The following DUSP15 variants were observed in gnomAD, a reference collection of about 807,000 sequenced individuals.
DUSP15 encodes the protein dual specificity phosphatase 15.
In DUSP15, 23 loss-of-function variants were observed where a neutral mutation model predicts 26.3. The observed-to-expected ratio is 0.87, with a 90% CI of 0.63 to 1.24. The LOEUF is 1.24. DUSP15 is among the 50% of genes most tolerant of loss of function. DUSP15 has a pLI of 0.00. For missense variants in DUSP15, 364 were observed against 320.6 expected (o/e 1.14, Z -1.03); for synonymous variants, 143 against 135.5 (o/e 1.06, Z -0.39).
intron 6 of DUSP15, among the ~76,000 whole-genome samples, chr20:31,851,849 C>A (rs2062475497): frequency 6.6e-6 from 1 of 152,092 alleles, no homozygotes; most frequent in African/African-American, 2.4e-5. Flanking sequence ...GCGCCCAGGC[C>A]CTGGTAACTG....
Position 31,861,644 on chromosome 20 carries a change from T to G in DUSP15, c.467A>C (p.Glu156Ala), listed in dbSNP as rs572500091. 3 of 1,246,086 alleles carry G rather than the reference T, an allele frequency of 2.4e-6. No individual in the cohort carries two copies. The highest frequency in any genetic ancestry group is 3.4e-5 in the African/African-American group (2 of 58,764). The allele number at this position is 1,246,086 out of a possible 1,614,324, so 77.2% of individuals were successfully genotyped here. A position where few individuals can be genotyped will look rare whatever the true frequency, so the allele number is the denominator to read the frequency against. ...LRRQLEERFG[E>A]SPFRDEEELR... is the part of the protein sequence containing the mutation. ...CTCCTCCTCGTCGCGGAAGGGGCTC[T>G]CGCCGAAGCGCTCCTCCAGCTGCCG... Residue 156 changes from glutamate to alanine, a missense_variant, in exon 7 of 7, where the codon GAG becomes GCG. Physicochemically the swap from Glu to Ala is moderately radical, Grantham distance 107. Coordinates refer to ENST00000339738, the MANE Select transcript of DUSP15 (RefSeq NM_080611.5).
At chr20:31,867,260 CCA>C in intron 2 of DUSP15, 107 bp from the exon 3 acceptor site, 1 of 918,138 alleles carries the variant, frequency 1.1e-6, no homozygotes, top group Non-Finnish European at 1.7e-6. Context: ...CCCCACCACT[CCA>C]CCTTGGCCCA....
chr20:31,862,665 A>C lies in DUSP15; in HGVS notation c.341T>G (p.Val114Gly). ...CCTGGTGGCCTTGATGGCTTCAAGC[A>C]CGTCCCGCCAGCCTAGCCCCGTCAC... ...MTVTGLGWRD[V>G]LEAIKATRPI... Residue 114 changes from valine (V) to glycine (G), a missense_variant, in exon 6 of 7, where the codon GTG (valine) becomes GGG (glycine). Coordinates refer to ENST00000339738, the MANE Select transcript of DUSP15 (RefSeq NM_080611.5). 1 of 1,614,112 alleles carries C rather than the reference A, an allele frequency of 6.2e-7. No individual in the cohort carries two copies. The highest frequency in any genetic ancestry group is 8.5e-7 in the Non-Finnish European group (1 of 1,180,008).
chr20:31,855,272 T>C (rs2123210090), intron 6 of DUSP15, among the ~76,000 whole-genome samples: 1 of 152,210 alleles, frequency 6.6e-6, no homozygotes, highest in Admixed American at 6.5e-5. Flanking sequence ...TCCTGGGTGG[T>C]TGGGGGGCAA....
downstream of DUSP15, among the ~76,000 whole-genome samples, chr20:31,858,136 C>G (rs1374523597): frequency 6.6e-6 from 1 of 152,200 alleles, no homozygotes; most frequent in Non-Finnish European, 1.5e-5. This position sits in a 1 kb window ranked among gnomAD's most constrained non-coding sequence, Gnocchi z 4.4. Flanking sequence ...AGTCCCCTGT[C>G]CCCTTGCCCT....
Position 31,869,551 on chromosome 20 carries a change from G to T in DUSP15, c.55+13C>A, listed in dbSNP as rs200185818. ...GAGTGCCATGGCCTCGGGACAGAGT[G>T]GGCAGTGCTCACCAATGAAGTTTCC... On this transcript the variant is annotated intron_variant, in intron 2 of 6. Transcript: ENST00000339738. The T allele has an allele frequency of 1.9e-5, 30 of 1,611,188 alleles. No individual in the cohort carries two copies. Among genetic ancestry groups the T allele is most frequent in the Non-Finnish European group, 2.5e-5 (29 of 1,178,892 alleles).
intron 6 of DUSP15, among the ~76,000 whole-genome samples, chr20:31,855,401 T>A (rs1325976234): frequency 6.6e-6 from 1 of 152,188 alleles, no homozygotes; most frequent in African/African-American, 2.4e-5. Flanking sequence ...ACAGGATCTA[T>A]GAATAATGAG....
chr20:31,863,962 A>T lies in DUSP15; in HGVS notation c.208T>A (p.Cys70Ser). 1 of 1,614,004 alleles carries T rather than the reference A, an allele frequency of 6.2e-7. No individual in the cohort carries two copies. Among genetic ancestry groups the T allele is most frequent in the Non-Finnish European group, 8.5e-7 (1 of 1,179,956 alleles). Reference protein sequence around the residue: ...EVPIKKHFKECINFIHCCRLN... With the variant: ...EVPIKKHFKESINFIHCCRLN... ...CGGCAGCAGTGGATGAAGTTGATAC[A>T]TTCTTTGAAGTGCTTTTTGCTAGAG... Residue 70 changes from cysteine to serine, a missense_variant, in exon 5 of 7, where the codon TGT becomes AGT. Coordinates refer to ENST00000339738, the MANE Select transcript of DUSP15 (RefSeq NM_080611.5).
In DUSP15 at chr20:31,865,009, G is replaced by A; in HGVS notation, c.139-7C>T. ...TGCGAAGGTAGGTGATATCCTGCAA[G>A]TACAAAATACACTCAGGCAGGGGAC... On this transcript the variant is annotated splice_region_variant and splice_polypyrimidine_tract_variant and intron_variant, in intron 3 of 6. Transcript: ENST00000339738. 1 of 1,614,086 alleles carries A rather than the reference G, an allele frequency of 6.2e-7. No individual in the cohort carries two copies. Among genetic ancestry groups the A allele is most frequent in the Non-Finnish European group, 8.5e-7 (1 of 1,179,986 alleles).
intron 6 of DUSP15, among the ~76,000 whole-genome samples, chr20:31,855,985 G>C (rs541175228): frequency 3.3e-5 from 5 of 152,254 alleles, no homozygotes; most frequent in African/African-American, 1.2e-4. Context: ...GGTGGTATTT[G>C]GTTACATGAG....
In DUSP15 at chr20:31,863,976, T is replaced by C; in HGVS notation, c.194A>G (p.Lys65Arg). ...GAAGTTGATACATTCTTTGAAGTGC[T>C]TTTTGCTAGAGGAGAAAGCAATAGG... is the stretch of plus-strand genomic sequence containing the variant. ...VADTPEVPIK[K>R]HFKECINFIH... is the part of the protein sequence containing the mutation. The change falls in exon 5 of 7, where the codon AAG (lysine) becomes AGG (arginine). Residue 65 changes from lysine to arginine, a missense_variant. By Grantham distance (26) the Lys-to-Arg change is conservative (BLOSUM62 2). Transcript: ENST00000339738. 6.2e-7 allele frequency: 1 copy of C among 1,613,940 alleles called. No homozygotes were observed. Among genetic ancestry groups the C allele is most frequent in the Non-Finnish European group, 8.5e-7 (1 of 1,179,878 alleles).
intron 4 of DUSP15, chr20:31,864,247 T>C: frequency 8.3e-7 from 1 of 1,205,154 alleles, no homozygotes; most frequent in Non-Finnish European, 1.0e-6. Context: ...CTGTGGACCC[T>C]GTTTTCATGT....
chr20:31,869,666 G>C lies in DUSP15; in HGVS notation c.22-69C>G, dbSNP rs998083779. The C allele has an allele frequency of 2.5e-6, 4 of 1,586,066 alleles. No individual in the cohort carries two copies. In the African/African-American group the frequency reaches 5.4e-5, roughly 21 times the overall value. ...CCCCTTCCACCCCCAGGGCAGCTGG[G>C]GGGCCCACAGCCCCTCTCTGTCCCA... On this transcript the variant is annotated intron_variant, in intron 1 of 6. Coordinates refer to ENST00000339738, the MANE Select transcript of DUSP15 (RefSeq NM_080611.5).
chr20:31,858,243 C>A (rs2062593593), downstream of DUSP15, among the ~76,000 whole-genome samples: 1 of 152,186 alleles, frequency 6.6e-6, no homozygotes, highest in South Asian at 2.1e-4. The surrounding 1 kb of genome is among the most constrained non-coding windows in gnomAD (Gnocchi z 4.4). Flanking sequence ...CCCAGCATAA[C>A]CCCACGTAGC....
intron 6 of DUSP15, among the ~76,000 whole-genome samples, chr20:31,851,073 G>A (rs2062460688): frequency 6.6e-6 from 1 of 152,188 alleles, no homozygotes; most frequent in Non-Finnish European, 1.5e-5. Flanking sequence ...TCAATATTAT[G>A]GCACTGGGCT....
At chr20:31,848,178 G>C (rs2062397825) in exon 10 of DUSP15, 1 of 500,568 alleles carries the variant, frequency 2.0e-6, no homozygotes, top group African/African-American at 2.0e-5. Flanking sequence ...TGCCTTTCTG[G>C]GGCCTCAAGA....
chr20:31,850,643 C>T (rs770548269), exon 7 of DUSP15: 3 of 1,611,886 alleles, frequency 1.9e-6, no homozygotes, highest in Admixed American at 1.7e-5. Context: ...GGGCATTGGG[C>T]ACCAGAGGTT....
Position 31,861,260 on chromosome 20 carries a change from C to T in DUSP15, c.*143G>A, listed in dbSNP as rs1335397851. 2.2e-6 allele frequency: 3 copies of T among 1,361,890 alleles called. No homozygotes were observed. The highest frequency in any genetic ancestry group is 2.8e-6 in the Non-Finnish European group (3 of 1,064,294). 84.4% of individuals were successfully genotyped at this position (1,361,890 alleles called of 1,614,324 possible). On this transcript the variant is annotated 3_prime_UTR_variant, in exon 7 of 7. Transcript: ENST00000339738. ...TGGGGACGCTGACTGCAGACGCGGA[C>T]GAGCAGGGCGGGCGCGGGAGGCAGG...
At chr20:31,851,839 G>A (rs1299635986) in intron 6 of DUSP15, among the ~76,000 whole-genome samples, 1 of 152,070 alleles carries the variant, frequency 6.6e-6, no homozygotes, top group East Asian at 1.9e-4. Flanking sequence ...TCTTCAGGGG[G>A]CGCCCAGGCC....
Sources: gnomAD v4.1 joint callset for allele counts (sites outside exome capture counted in the v4.1 genomes callset) on GRCh38, gnomAD v4.1.1 for gene constraint, Gnocchi (gnomAD v3.1) non-coding constraint, MANE v1.5 for transcripts, NCBI Gene and HGNC (gene_info 2026-07-23, HGNC 2026-07-21) for gene names.